Variants in SLC39A9 observed in about 807,000 individuals in gnomAD.
The protein encoded by SLC39A9 is solute carrier family 39 member 9, also known as zinc transporter ZIP9.
In SLC39A9, 14 loss-of-function variants were observed where a neutral mutation model predicts 28.4. That is an observed-to-expected ratio of 0.49 (90% CI 0.33 to 0.77). The LOEUF is 0.77. Ranked by LOEUF, SLC39A9 falls within the 30% of genes least tolerant of loss-of-function variation. The pLI is 0.02. For missense variants in SLC39A9, 283 were observed against 381.1 expected, an observed-to-expected ratio of 0.74 and a Z score of 2.14; for synonymous variants, 119 against 149.6, an observed-to-expected ratio of 0.80 and a Z score of 1.49.
At chr14:69,457,235 G>C (rs1342299012) in intron 6 of SLC39A9, among the ~76,000 whole-genome samples, 1 of 149,730 alleles carries the variant, frequency 6.7e-6, no homozygotes, top group African/African-American at 2.5e-5. Flanking sequence ...ATGGAATCTT[G>C]CCTGTCACCC....
chr14:69,436,353 T>G (rs1178207116), intron 2 of SLC39A9, among the ~76,000 whole-genome samples: 1 of 152,198 alleles, frequency 6.6e-6, no homozygotes, highest in East Asian at 1.9e-4. Context: ...ATCTGTGGGT[T>G]GGGTTGATTG....
chr14:69,454,539 A>G (rs1885767863), intron 4 of SLC39A9, among the ~76,000 whole-genome samples: 1 of 152,260 alleles, frequency 6.6e-6, no homozygotes, highest in South Asian at 2.1e-4. Context: ...TTAGTTTTCC[A>G]ATAACAACAA....
rs1366973625 is a variant in SLC39A9 at position 69,458,555 on chromosome 14, C to T, written c.886C>T (p.Leu296Phe). 6.2e-7 allele frequency: 1 copy of T among 1,613,938 alleles called. No homozygotes were observed. Among genetic ancestry groups the T allele is most frequent in the East Asian group, 2.2e-5 (1 of 44,872 alleles). Residue 296 changes from leucine to phenylalanine, a missense_variant, in exon 7 of 7, where the codon CTC becomes TTC. By Grantham distance (22) the Leu-to-Phe change is conservative (BLOSUM62 0). Transcript: ENST00000336643. Reference sequence around the variant, plus strand: ...AGTGGCAGCCCTGGTTCTGGGTTGCCTCATCCCTCTCATCCTGTCAGTAGG... The same window carrying T: ...AGTGGCAGCCCTGGTTCTGGGTTGCTTCATCCCTCTCATCCTGTCAGTAGG... ...LEVAALVLGC[L>F]IPLILSVGHQ...
chr14:69,434,632 C>T (rs1884658753), intron 2 of SLC39A9, among the ~76,000 whole-genome samples: 1 of 152,038 alleles, frequency 6.6e-6, no homozygotes, highest in Admixed American at 6.5e-5. Context: ...CATGATTATG[C>T]CGCTGCACTC....
At chr14:69,427,242 G>C (rs1884247641) in intron 2 of SLC39A9, among the ~76,000 whole-genome samples, 1 of 151,892 alleles carries the variant, frequency 6.6e-6, no homozygotes, top group African/African-American at 2.4e-5. Context: ...GGGCTCAAGT[G>C]ATCCACCCAC....
At chr14:69,455,590 G>T in intron 5 of SLC39A9, 142 bp from the exon 6 acceptor site, 1 of 1,128,682 alleles carries the variant, frequency 8.9e-7, no homozygotes, top group South Asian at 1.5e-5. Context: ...AAAGTGCTAG[G>T]ATTACAGGCA....
At chr14:69,455,970 A>G in intron 6 of SLC39A9, 104 bp downstream of exon 6, 1 of 1,375,918 alleles carries the variant, frequency 7.3e-7, no homozygotes, top group Non-Finnish European at 9.9e-7. Flanking sequence ...TCTCAAACTA[A>G]AGATAAAATT....
In SLC39A9 at chr14:69,399,393, C is replaced by T. The variant is rs764953379; in HGVS notation, c.24C>T (p.Ser8=). MDDFISI[S]LLSLAMLVGC... is the part of the protein sequence containing the mutation. ...GAATGGATGATTTCATCTCCATTAG[C>T]CTGCTGTCTCTGGCTATGTTGGTGG... Residue 8 remains serine (S), a synonymous_variant, in exon 1 of 7, where the codon AGC becomes AGT. Coordinates refer to ENST00000336643, the MANE Select transcript of SLC39A9 (RefSeq NM_018375.5). The T allele has an allele frequency of 5.0e-6, 8 of 1,614,062 alleles. No homozygotes were observed. In the South Asian group the frequency reaches 7.7e-5, roughly 16 times the overall value.
chr14:69,401,665 A>G lies in SLC39A9; in HGVS notation c.96+2200A>G, dbSNP rs775678017. ...CAGGAGTGGTGTTAATAACTGGGTC[A>G]TTAATACAGATAATTAGTATGTCAT... is the stretch of plus-strand genomic sequence containing the variant. On this transcript the variant is annotated intron_variant, in intron 1 of 6. Coordinates refer to ENST00000336643, the MANE Select transcript of SLC39A9 (RefSeq NM_018375.5). Among the ~76,000 whole-genome samples, 62 of 152,284 alleles carry G rather than the reference A, an allele frequency of 4.1e-4. No individual in the cohort carries two copies. The Middle Eastern group carries it at 0.01, about 25-fold the overall frequency.
chr14:69,407,004 C>T (rs557775744), intron 1 of SLC39A9, among the ~76,000 whole-genome samples: 11 of 151,334 alleles, frequency 7.3e-5, no homozygotes, highest in African/African-American at 2.4e-4. Flanking sequence ...GTGCGTGCCA[C>T]CATAACCAGC....
intron 2 of SLC39A9, chr14:69,441,743 G>C (rs1051487556): frequency 4.4e-5 from 44 of 998,590 alleles, no homozygotes; most frequent in Non-Finnish European, 5.3e-5. Flanking sequence ...AGATTGGCAT[G>C]AATTTCTCAG....
At chr14:69,405,327 C>T (rs1478783205) in intron 1 of SLC39A9, among the ~76,000 whole-genome samples, 1 of 152,210 alleles carries the variant, frequency 6.6e-6, no homozygotes, top group Non-Finnish European at 1.5e-5. Context: ...TCTGCCTCTA[C>T]AATAGGTTCT....
chr14:69,409,372 C>T (rs1883122902), intron 1 of SLC39A9, among the ~76,000 whole-genome samples: 1 of 152,080 alleles, frequency 6.6e-6, no homozygotes, highest in Non-Finnish European at 1.5e-5. Context: ...GTCTCACTTT[C>T]TTACCCAGGC....
In SLC39A9 at chr14:69,404,505, T is replaced by C. The variant is rs7153712; in HGVS notation, c.96+5040T>C. Reference sequence around the variant, plus strand: ...AAACTTTCAAAAATATTGAGGCAGATTCTCAATACTGATTAGAAAAACTTG... The same window carrying C: ...AAACTTTCAAAAATATTGAGGCAGACTCTCAATACTGATTAGAAAAACTTG... On this transcript the variant is annotated intron_variant, in intron 1 of 6. Coordinates refer to ENST00000336643, the MANE Select transcript of SLC39A9 (RefSeq NM_018375.5). 3.0e-3 allele frequency among the ~76,000 whole-genome samples: 460 copies of C among 152,330 alleles called. 4 individuals are homozygous for C. The highest frequency in any genetic ancestry group is 0.011 in the African/African-American group (448 of 41,562).
At chr14:69,410,312 C>T (rs1416279410) in intron 1 of SLC39A9, among the ~76,000 whole-genome samples, 3 of 152,156 alleles carry the variant, frequency 2.0e-5, no homozygotes, top group Non-Finnish European at 2.9e-5. Context: ...ATTGTAACTT[C>T]GTTCACTGGA....
chr14:69,420,890 C>T lies in SLC39A9; in HGVS notation c.97-3204C>T, dbSNP rs994674600. Among the ~76,000 whole-genome samples the T allele has an allele frequency of 5.3e-5, 8 of 152,274 alleles. No individual in the cohort carries two copies. The East Asian group carries it at 1.2e-3, about 22-fold the overall frequency. ...ACATTGTTTATTCTCGTTAGCCATGCGTCTAATCTTTTTTCAAGGTTTTAA... is the reference window on the plus strand; with the variant it reads ...ACATTGTTTATTCTCGTTAGCCATGTGTCTAATCTTTTTTCAAGGTTTTAA... On this transcript the variant is annotated intron_variant, in intron 1 of 6. Transcript: ENST00000336643.
chr14:69,430,417 T>G (rs1029873874), intron 2 of SLC39A9, among the ~76,000 whole-genome samples: 10 of 152,014 alleles, frequency 6.6e-5, no homozygotes, highest in Non-Finnish European at 1.2e-4. Flanking sequence ...TAACACTATT[T>G]TTTGAAAAAA....
At chr14:69,440,730 G>A (rs1885006503) in intron 2 of SLC39A9, among the ~76,000 whole-genome samples, 1 of 152,304 alleles carries the variant, frequency 6.6e-6, no homozygotes, top group East Asian at 1.9e-4. Flanking sequence ...CTGGAAGGCA[G>A]TGGCGTGATC....
At chr14:69,431,716 C>T (rs1376348271) in intron 2 of SLC39A9, among the ~76,000 whole-genome samples, 1 of 152,078 alleles carries the variant, frequency 6.6e-6, no homozygotes, top group Non-Finnish European at 1.5e-5. Flanking sequence ...GTCTTCCTTT[C>T]CTCCCCTTCT....
Sources: gnomAD v4.1 joint callset for allele counts (sites outside exome capture counted in the v4.1 genomes callset) on GRCh38, gnomAD v4.1.1 for gene constraint, MANE v1.5 for transcripts, NCBI Gene and HGNC (gene_info 2026-07-23, HGNC 2026-07-21) for gene names.